The following ACAD8 variants were observed in gnomAD, a reference collection of about 807,000 sequenced individuals.
The protein encoded by ACAD8 is isobutyryl-CoA dehydrogenase, mitochondrial.
In ACAD8, 47 loss-of-function variants were observed where a neutral mutation model predicts 53.1. The observed-to-expected ratio is 0.89, with a 90% confidence interval of 0.70 to 1.13. ACAD8 has a LOEUF of 1.13. Among genes scored for constraint, ACAD8 ranks in the 50% most tolerant of loss-of-function variants. The pLI is 0.00. For synonymous variants in ACAD8, 198 were observed against 201.3 expected (o/e 0.98, Z 0.14); for missense variants, 494 against 535.0 (o/e 0.92, Z 0.76).
Position 134,257,110 on chromosome 11 carries a change from T to G in ACAD8, c.233T>G (p.Met78Arg). 1 of 1,614,202 alleles carries G rather than the reference T, an allele frequency of 6.2e-7. No individual in the cohort carries two copies. Among genetic ancestry groups the G allele is most frequent in the Non-Finnish European group, 8.5e-7 (1 of 1,180,044 alleles). ...DQKELFPVDV[M>R]RKAAQLGFGG... ...TAGGAGCTGTTCCCAGTGGATGTGA[T>G]GCGGAAGGCAGCCCAGCTAGGCTTC... Residue 78 changes from methionine to arginine, a missense_variant, in exon 3 of 11, where the codon ATG (methionine) becomes AGG (arginine). Coordinates refer to ENST00000281182, the MANE Select transcript of ACAD8 (RefSeq NM_014384.3).
At chr11:134,254,849 C>T (rs917272914) in intron 1 of ACAD8, among the ~76,000 whole-genome samples, 1 of 152,168 alleles carries the variant, frequency 6.6e-6, no homozygotes, top group Non-Finnish European at 1.5e-5. Flanking sequence ...CTGCTAGTAA[C>T]TATGTATTGG....
intron 10 of ACAD8, chr11:134,264,076 A>G (rs909068360): frequency 6.1e-6 from 6 of 981,634 alleles, no homozygotes; most frequent in Non-Finnish European, 7.3e-6. Flanking sequence ...TGGGTGCGGT[A>G]GCTTATGTCT....
intron 1 of ACAD8, among the ~76,000 whole-genome samples, chr11:134,255,128 G>T (rs1565369760): frequency 6.6e-6 from 1 of 152,134 alleles, no homozygotes; most frequent in South Asian, 2.1e-4. Flanking sequence ...TCCTTTGTGT[G>T]AATGGATCTT....
chr11:134,256,673 C>CATCT, intron 2 of ACAD8, 25 bp downstream of exon 2: 1 of 1,592,102 alleles, frequency 6.3e-7, no homozygotes. Flanking sequence ...TGTGCTTAGA[C>CATCT]GTTCTAACAA....
chr11:134,264,519 AAAAGT>A (rs147437102), intron 10 of ACAD8, among the ~76,000 whole-genome samples: 6,907 of 152,220 alleles, frequency 0.045, 510 homozygotes, highest in African/African-American at 0.16. Flanking sequence ...GTCTCAAAAG[AAAAGT>A]AAAAGAAAAA....
chr11:134,262,943 G>A (rs1939984874), intron 10 of ACAD8: 4 of 1,272,210 alleles, frequency 3.1e-6, no homozygotes, highest in Non-Finnish European at 4.1e-6. Flanking sequence ...TAAGGTTATC[G>A]AGTACGTGGT....
In ACAD8 at chr11:134,264,994, G is replaced by C. The variant is rs1165246811; in HGVS notation, c.*34G>C. The stretch of plus-strand genomic sequence containing the variant: ...CTTGTTCTGGCCTGGTGTTCAGTGC[G>C]ACTGCAGTCAGTGTTGAGTGGTGCC... On this transcript the variant is annotated 3_prime_UTR_variant, in exon 11 of 11. Transcript: ENST00000281182. The C allele has an allele frequency of 1.2e-6, 2 of 1,607,882 alleles. No homozygotes were observed. The highest frequency in any genetic ancestry group is 2.2e-5 in the South Asian group (2 of 90,956).
In ACAD8 at chr11:134,265,040, A is replaced by C; in HGVS notation, c.*80A>C. On this transcript the variant is annotated 3_prime_UTR_variant, in exon 11 of 11. Transcript: ENST00000281182. ...GTGCCATGTGGGCCGCTCTATTCCA[A>C]AGGAATCATGGATTAGACCCAAGGG... is the stretch of plus-strand genomic sequence containing the variant. 1 of 1,477,630 alleles carries C rather than the reference A, an allele frequency of 6.8e-7. No homozygotes were observed. Among genetic ancestry groups the C allele is most frequent in the Non-Finnish European group, 9.5e-7 (1 of 1,057,106 alleles). 91.5% of individuals were successfully genotyped at this position (1,477,630 alleles called of 1,614,324 possible). A position where few individuals can be genotyped will look rare whatever the true frequency, so the allele number is the denominator to read the frequency against.
intron 5 of ACAD8, 63 bp downstream of exon 5, chr11:134,259,147 C>G: frequency 6.8e-7 from 1 of 1,462,088 alleles, no homozygotes; most frequent in South Asian, 1.1e-5. Flanking sequence ...CTGACATCCT[C>G]TGGTTCCTTC....
intron 9 of ACAD8, chr11:134,262,222 C>T: frequency 1.5e-6 from 1 of 649,116 alleles, no homozygotes. Flanking sequence ...CTAGGGGGAA[C>T]CATAGCTTTT....
At position 134,265,056 on chromosome 11, in the gene ACAD8, G is replaced by T; in HGVS notation, c.*96G>T. ...TCTATTCCAAAGGAATCATGGATTA[G>T]ACCCAAGGGCTGAGCTCCTCTAGGG... is the stretch of plus-strand genomic sequence containing the variant. On this transcript the variant is annotated 3_prime_UTR_variant, in exon 11 of 11. Coordinates refer to ENST00000281182, the MANE Select transcript of ACAD8 (RefSeq NM_014384.3). 7.2e-7 allele frequency: 1 copy of T among 1,391,454 alleles called. No individual in the cohort carries two copies. Among genetic ancestry groups the T allele is most frequent in the South Asian group, 1.2e-5 (1 of 86,508 alleles). The allele number at this position is 1,391,454 out of a possible 1,614,324, so 86.2% of individuals were successfully genotyped here.
chr11:134,264,768 A>G, intron 10 of ACAD8, 140 bp from the exon 11 acceptor site: 1 of 805,844 alleles, frequency 1.2e-6, no homozygotes, highest in Non-Finnish European at 2.2e-6. Flanking sequence ...TGATAATCTC[A>G]TCTCTCCCAG....
At position 134,265,030 on chromosome 11, in the gene ACAD8, C is replaced by T; in HGVS notation, c.*70C>T. 1 of 1,525,104 alleles carries T rather than the reference C, an allele frequency of 6.6e-7. No individual in the cohort carries two copies. The highest frequency in any genetic ancestry group is 9.1e-7 in the Non-Finnish European group (1 of 1,099,954). The allele number at this position is 1,525,104 out of a possible 1,614,324, so 94.5% of individuals were successfully genotyped here. A position where few individuals can be genotyped will look rare whatever the true frequency, so the allele number is the denominator to read the frequency against. Reference sequence around the variant, plus strand: ...GTGTTGAGTGGTGCCATGTGGGCCGCTCTATTCCAAAGGAATCATGGATTA... The same window carrying T: ...GTGTTGAGTGGTGCCATGTGGGCCGTTCTATTCCAAAGGAATCATGGATTA... On this transcript the variant is annotated 3_prime_UTR_variant, in exon 11 of 11. Coordinates refer to ENST00000281182, the MANE Select transcript of ACAD8 (RefSeq NM_014384.3).
At chr11:134,256,491 C>T (rs1939533309) in intron 1 of ACAD8, 57 bp from the exon 2 acceptor site, 1 of 1,436,592 alleles carries the variant, frequency 7.0e-7, no homozygotes, top group African/African-American at 1.4e-5. Flanking sequence ...TTGTTGGCAA[C>T]ACCTTGTTGG....
Position 134,264,864 on chromosome 11 carries a change from G to C in ACAD8, c.1196-44G>C, listed in dbSNP as rs199976561. The C allele has an allele frequency of 1.9e-6, 3 of 1,583,200 alleles. No individual in the cohort carries two copies. The East Asian group carries it at 6.7e-5, about 35-fold the overall frequency. ...TGGTCAGAGCTTTACTAAACTCTCA[G>C]ACTTTGCTGCTGTGAAATTCTTCCT... is the stretch of plus-strand genomic sequence containing the variant. On this transcript the variant is annotated intron_variant, in intron 10 of 10. Transcript: ENST00000281182.
Position 134,253,630 on chromosome 11 carries a change from G to C in ACAD8, c.30G>C (p.Gly10=). 4 of 1,583,862 alleles carry C rather than the reference G, an allele frequency of 2.5e-6. No individual in the cohort carries two copies. The highest frequency in any genetic ancestry group is 3.4e-6 in the Non-Finnish European group (4 of 1,168,296). The change falls in exon 1 of 11, where the codon GGG becomes GGC. Residue 10 remains glycine, a synonymous_variant. Transcript: ENST00000281182. ...TGTGGAGCGGCTGCCGGCGTTTCGGGGCGCGCCTCGGCTGCCTGCCCGGCG... is the reference window on the plus strand; with the variant it reads ...TGTGGAGCGGCTGCCGGCGTTTCGGCGCGCGCCTCGGCTGCCTGCCCGGCG... The part of the protein sequence containing the change: MLWSGCRRF[G]ARLGCLPGGL...
In ACAD8 at chr11:134,253,660, C is replaced by T. The variant is rs1035866386; in HGVS notation, c.60C>T (p.Leu20=). 3 of 1,598,702 alleles carry T rather than the reference C, an allele frequency of 1.9e-6. No individual in the cohort carries two copies. The highest frequency in any genetic ancestry group is 2.2e-5 in the South Asian group (2 of 89,128). The change falls in exon 1 of 11, where the codon CTC becomes CTT. Residue 20 remains leucine (L), a synonymous_variant. Coordinates refer to ENST00000281182, the MANE Select transcript of ACAD8 (RefSeq NM_014384.3). ...GCCTCGGCTGCCTGCCCGGCGGTCT[C>T]CGGGTCCTCGTCCAGACCGGCCACC... ...GARLGCLPGG[L]RVLVQTGHRS... is the part of the protein sequence containing the mutation.
At position 134,261,741 on chromosome 11, in the gene ACAD8, T is replaced by G; in HGVS notation, c.943T>G (p.Leu315Val). The G allele has an allele frequency of 2.5e-6, 4 of 1,613,804 alleles. No homozygotes were observed. Among genetic ancestry groups the G allele is most frequent in the Non-Finnish European group, 3.4e-6 (4 of 1,180,036 alleles). The change falls in exon 9 of 11, where the codon TTG (leucine) becomes GTG (valine). Residue 315 changes from leucine to valine, a missense_variant. Coordinates refer to ENST00000281182, the MANE Select transcript of ACAD8 (RefSeq NM_014384.3). The surrounding 1 kb of genome is among the most constrained non-coding windows in gnomAD (Gnocchi z 4.2). ...FGEPLASNQY[L>V]QFTLADMATR... ...TTCTCTGCTCCCTGTGCTGCAGTAC[T>G]TGCAATTCACACTGGCTGATATGGC...
rs1940107587 is a variant in ACAD8, at chr11:134,265,034, A to G, written c.*74A>G. 2.7e-6 allele frequency: 4 copies of G among 1,505,336 alleles called. No homozygotes were observed. The highest frequency in any genetic ancestry group is 4.5e-5 in the East Asian group (2 of 44,344). The allele number at this position is 1,505,336 out of a possible 1,614,324, so 93.2% of individuals were successfully genotyped here. On this transcript the variant is annotated 3_prime_UTR_variant, in exon 11 of 11. Transcript: ENST00000281182. ...TGAGTGGTGCCATGTGGGCCGCTCT[A>G]TTCCAAAGGAATCATGGATTAGACC...
Sources: allele counts gnomAD v4.1 joint callset (sites outside exome capture counted in the v4.1 genomes callset), GRCh38; gene constraint gnomAD v4.1.1; non-coding constraint Gnocchi (gnomAD v3.1); transcripts MANE v1.5; gene names NCBI Gene and HGNC (gene_info 2026-07-23, HGNC 2026-07-21).